The following LRPPRC variants were observed in gnomAD, a reference collection of about 807,000 sequenced individuals.
LRPPRC encodes the protein leucine-rich PPR motif-containing protein, mitochondrial.
LRPPRC carries 120 observed loss-of-function variants against 180.3 expected under a neutral mutation model. The observed-to-expected ratio is 0.67, with a 90% CI of 0.57 to 0.77. The LOEUF (loss-of-function observed/expected upper bound fraction) is 0.77, where lower values mean the gene tolerates loss of function less well. Ranked by LOEUF, LRPPRC falls within the 30% of genes least tolerant of loss-of-function variation. The pLI is 0.00. For missense variants in LRPPRC, 2,012 were observed against 1,657.2 expected (o/e 1.21, Z -3.72); for synonymous variants, 723 against 600.0 (o/e 1.21, Z -3.00).
At chr2:43,954,633 G>T (rs548437546) in intron 14 of LRPPRC, among the ~76,000 whole-genome samples, 1 of 152,096 alleles carries the variant, frequency 6.6e-6, no homozygotes, top group Admixed American at 6.6e-5. Flanking sequence ...ACTGAGGGGG[G>T]ATAAACTAAT....
At chr2:43,966,243 C>T (rs1179108440) in intron 11 of LRPPRC, among the ~76,000 whole-genome samples, 1 of 150,196 alleles carries the variant, frequency 6.7e-6, no homozygotes, top group Non-Finnish European at 1.5e-5. Flanking sequence ...TATATGGAAT[C>T]TACTAAAAAA....
At chr2:43,995,165 C>T (rs1314226961) in intron 1 of LRPPRC, among the ~76,000 whole-genome samples, 1 of 152,152 alleles carries the variant, frequency 6.6e-6, no homozygotes, top group Non-Finnish European at 1.5e-5. Flanking sequence ...CGCTTGAACC[C>T]GGGAAGCGGA....
At chr2:43,995,557 A>AGTGGCGGGGGCAGGATTC (rs1247152155) in intron 1 of LRPPRC, among the ~76,000 whole-genome samples, 1 of 152,212 alleles carries the variant, frequency 6.6e-6, no homozygotes, top group Non-Finnish European at 1.5e-5. Context: ...TCCAGGCTGA[A>AGTGGCGGGGGCAGGATTC]GTGGCGGGGG....
chr2:43,945,298 G>A (rs921205351), intron 22 of LRPPRC, 34 bp downstream of exon 22: 1 of 1,347,958 alleles, frequency 7.4e-7, no homozygotes, highest in Non-Finnish European at 1.1e-6. Flanking sequence ...CAAGATACTT[G>A]CATCACATAT....
chr2:43,901,261 T>C, intron 32 of LRPPRC, 59 bp downstream of exon 32: 1 of 1,388,976 alleles, frequency 7.2e-7, no homozygotes. Flanking sequence ...AAAGGTGGTA[T>C]CTGAGGCAAT....
intron 13 of LRPPRC, among the ~76,000 whole-genome samples, chr2:43,957,989 G>A (rs1473253233): frequency 6.6e-6 from 1 of 152,120 alleles, no homozygotes; most frequent in African/African-American, 2.4e-5. Context: ...TCATACGTCC[G>A]TTATGTAATT....
chr2:43,963,604 G>A lies in LRPPRC; in HGVS notation c.1472C>T (p.Ala491Val). 2.5e-6 allele frequency: 4 copies of A among 1,599,944 alleles called. No homozygotes were observed. Among genetic ancestry groups the A allele is most frequent in the Non-Finnish European group, 3.4e-6 (4 of 1,167,332 alleles). ...VIPCFDSVNS[A>V]RAILQENGCL... ...TGTACTCACCTGCAAAATGGCTCGT[G>A]CTGAGTTTACACTATCAAAGCATGG... Residue 491 changes from alanine (A) to valine (V), a missense_variant, in exon 12 of 38, where the codon GCA becomes GTA. Transcript: ENST00000260665.
At chr2:43,988,470 A>G (rs1315881065) in intron 1 of LRPPRC, among the ~76,000 whole-genome samples, 1 of 152,024 alleles carries the variant, frequency 6.6e-6, no homozygotes, top group Non-Finnish European at 1.5e-5. Context: ...TGGGAGGCAG[A>G]GGTTGCAGTG....
intron 27 of LRPPRC, among the ~76,000 whole-genome samples, chr2:43,921,731 G>C (rs1437470187): frequency 6.6e-6 from 1 of 152,106 alleles, no homozygotes; most frequent in Admixed American, 6.5e-5. Flanking sequence ...TGAATCTTTA[G>C]TAATCAGAAT....
At chr2:43,992,413 C>A (rs147158398) in intron 1 of LRPPRC, among the ~76,000 whole-genome samples, 7 of 152,202 alleles carry the variant, frequency 4.6e-5, no homozygotes, top group Non-Finnish European at 1.0e-4. Context: ...TAGTCTGGTA[C>A]GGCTAGAACG....
intron 31 of LRPPRC, chr2:43,902,356 T>C (rs1300053914): frequency 6.6e-6 from 1 of 152,022 alleles, no homozygotes; most frequent in Non-Finnish European, 1.5e-5. Context: ...GACTGAGGAG[T>C]AGCCTAACAA....
At chr2:43,889,569 C>G (rs966951822) in intron 37 of LRPPRC, among the ~76,000 whole-genome samples, 165 bp downstream of exon 37, 1 of 149,376 alleles carries the variant, frequency 6.7e-6, no homozygotes, top group Non-Finnish European at 1.5e-5. Flanking sequence ...CTCCGACTGC[C>G]GCAGCCAAGG....
chr2:43,932,881 T>C (rs1672140395), intron 25 of LRPPRC, among the ~76,000 whole-genome samples: 1 of 152,194 alleles, frequency 6.6e-6, no homozygotes, highest in African/African-American at 2.4e-5. Context: ...TACACCTTAC[T>C]ACACAAAGAC....
intron 27 of LRPPRC, among the ~76,000 whole-genome samples, chr2:43,920,180 G>C (rs939824278): frequency 3.3e-5 from 5 of 151,768 alleles, no homozygotes; most frequent in African/African-American, 1.2e-4. Context: ...CTGTTGCCCA[G>C]GCTGGAGTGC....
chr2:43,899,601 T>C lies in LRPPRC; in HGVS notation c.3574A>G (p.Asn1192Asp). 1 of 1,607,010 alleles carries C rather than the reference T, an allele frequency of 6.2e-7. No individual in the cohort carries two copies. Among genetic ancestry groups the C allele is most frequent in the Non-Finnish European group, 8.5e-7 (1 of 1,173,990 alleles). ...ATGTTTTCTATTGCGGCATCTATGT[T>C]ATTACTGTTAAAAGCAAAATAAATT... is the stretch of plus-strand genomic sequence containing the variant. ...NIALAQIKNN[N>D]IDAAIENIEN... Residue 1192 changes from asparagine (N) to aspartate (D), a missense_variant, in exon 33 of 38, where the codon AAC (asparagine) becomes GAC (aspartate). Physicochemically the swap from Asn to Asp is conservative, Grantham distance 23 (BLOSUM62 1). Transcript: ENST00000260665.
chr2:43,990,237 T>C lies in LRPPRC; in HGVS notation c.149+5562A>G, dbSNP rs1034755469. ...CCATCTCAAAAAAAAAAGAAAGTAA[T>C]CAGCATCTATTCTAAAGGTACCATT... On this transcript the variant is annotated intron_variant, in intron 1 of 37. Coordinates refer to ENST00000260665, the MANE Select transcript of LRPPRC (RefSeq NM_133259.4). Among the ~76,000 whole-genome samples the C allele has an allele frequency of 7.2e-5, 11 of 151,876 alleles. No homozygotes were observed. The Middle Eastern group carries it at 0.01, about 141-fold the overall frequency.
Position 43,995,896 on chromosome 2 carries a change from G to A in LRPPRC, c.52C>T (p.Pro18Ser), listed in dbSNP as rs765539449. ...ARWLLRAGAA[P>S]RLPLSLRLLP... ...AGGCGCAGGGAGAGCGGGAGGCGCG[G>A]GGCCGCCCCGGCACGCAGCAACCAA... The change falls in exon 1 of 38, where the codon CCG becomes TCG. Residue 18 changes from proline (P) to serine (S), a missense_variant. Pro to Ser is a moderately conservative substitution (Grantham distance 74, BLOSUM62 -1). Transcript: ENST00000260665. 1.4e-5 allele frequency: 21 copies of A among 1,512,020 alleles called. No individual in the cohort carries two copies. In the South Asian group the frequency reaches 2.0e-4, roughly 14 times the overall value. 93.7% of individuals were successfully genotyped at this position (1,512,020 alleles called of 1,614,324 possible).
At chr2:43,961,316 G>T (rs1673337594) in intron 12 of LRPPRC, among the ~76,000 whole-genome samples, 1 of 152,070 alleles carries the variant, frequency 6.6e-6, no homozygotes, top group African/African-American at 2.4e-5. Context: ...ACTTTTAGGG[G>T]GAGTTTGAAA....
chr2:43,974,599 T>A lies in LRPPRC; in HGVS notation c.1009+15A>T, dbSNP rs572849791. The A allele has an allele frequency of 6.0e-5, 90 of 1,511,568 alleles. 1 individual carries two copies. The East Asian group carries it at 1.7e-3, about 29-fold the overall frequency. The allele number at this position is 1,511,568 out of a possible 1,614,324, so 93.6% of individuals were successfully genotyped here. ...TTTTTATAAAAATCATGTAAATAGA[T>A]TTTTTTAAAACTACCTGGAATATAT... is the stretch of plus-strand genomic sequence containing the variant. On this transcript the variant is annotated intron_variant, in intron 8 of 37. Transcript: ENST00000260665.
Sources: gnomAD v4.1 joint callset for allele counts (sites outside exome capture counted in the v4.1 genomes callset) on GRCh38, gnomAD v4.1.1 for gene constraint, MANE v1.5 for transcripts, NCBI Gene and HGNC (gene_info 2026-07-23, HGNC 2026-07-21) for gene names.